Variants in CNTN5 observed in about 807,000 individuals in gnomAD.
The protein encoded by CNTN5 is contactin-5.
Under a neutral mutation model 129.1 loss-of-function variants are expected in CNTN5, and 77 were observed. That is an observed-to-expected ratio of 0.60 (90% CI 0.50 to 0.72). The LOEUF is 0.72. CNTN5 is among the 30% of genes least tolerant of loss of function. The pLI, the probability that CNTN5 is intolerant of heterozygous loss-of-function variation, is 0.00. For synonymous variants in CNTN5, 509 were observed against 465.6 expected (o/e 1.09, Z -1.20); for missense variants, 1,478 against 1,328.8 (o/e 1.11, Z -1.75).
At chr11:99,658,185 A>G (rs1189254747) in intron 3 of CNTN5, among the ~76,000 whole-genome samples, 1 of 152,168 alleles carries the variant, frequency 6.6e-6, no homozygotes. Context: ...GCAACAAGTA[A>G]TCTGAAAAGC....
At chr11:99,060,491 C>T (rs1864829126) in intron 1 of CNTN5, among the ~76,000 whole-genome samples, 1 of 151,980 alleles carries the variant, frequency 6.6e-6, no homozygotes, top group Non-Finnish European at 1.5e-5. Context: ...GTCATATTCT[C>T]ATTAATAATT....
chr11:99,333,814 G>T (rs1866102374), intron 2 of CNTN5, among the ~76,000 whole-genome samples: 1 of 151,940 alleles, frequency 6.6e-6, no homozygotes, highest in South Asian at 2.1e-4. Flanking sequence ...ACTCTCTCTA[G>T]TGTCTTCAAA....
intron 6 of CNTN5, among the ~76,000 whole-genome samples, chr11:99,887,161 T>G (rs1591366686): frequency 6.6e-6 from 1 of 152,340 alleles, no homozygotes; most frequent in East Asian, 1.9e-4. Flanking sequence ...TCATGTGAGT[T>G]GGACATGCAT....
intron 1 of CNTN5, among the ~76,000 whole-genome samples, chr11:99,065,860 C>T (rs1227676977): frequency 2.6e-5 from 4 of 151,830 alleles, no homozygotes; most frequent in Non-Finnish European, 4.4e-5. Flanking sequence ...TTAAAACATA[C>T]GTGTTTGGCA....
At chr11:99,092,346 A>G (rs1380964173) in intron 1 of CNTN5, among the ~76,000 whole-genome samples, 1 of 152,046 alleles carries the variant, frequency 6.6e-6, no homozygotes, top group Non-Finnish European at 1.5e-5. Context: ...GTACTTGGGT[A>G]TTCTGTGTAT....
At chr11:100,262,765 A>G (rs1033583519) in intron 17 of CNTN5, among the ~76,000 whole-genome samples, 2 of 152,128 alleles carry the variant, frequency 1.3e-5, no homozygotes, top group African/African-American at 4.8e-5. Context: ...CAGGGAGGGG[A>G]GCATTACACA....
chr11:99,374,635 G>A (rs1360269464), intron 2 of CNTN5, among the ~76,000 whole-genome samples: 1 of 152,126 alleles, frequency 6.6e-6, no homozygotes, highest in East Asian at 1.9e-4. Context: ...AGCGAGTCCA[G>A]ATCGCGTCAC....
chr11:99,932,407 G>A (rs888085379), intron 7 of CNTN5, among the ~76,000 whole-genome samples: 1 of 152,026 alleles, frequency 6.6e-6, no homozygotes, highest in African/African-American at 2.4e-5. Flanking sequence ...TGGCCAGGGT[G>A]GTCTTGAACT....
chr11:99,884,289 A>G (rs1948842572), intron 6 of CNTN5, among the ~76,000 whole-genome samples: 1 of 152,214 alleles, frequency 6.6e-6, no homozygotes, highest in African/African-American at 2.4e-5. Flanking sequence ...CCTGAAAACT[A>G]AAATAATATA....
chr11:99,155,960 C>A (rs1306186613), intron 1 of CNTN5, among the ~76,000 whole-genome samples: 2 of 151,998 alleles, frequency 1.3e-5, no homozygotes, highest in Non-Finnish European at 2.9e-5. Flanking sequence ...ATTAATAATA[C>A]AAGCGAGGAT....
chr11:99,471,756 T>C (rs182575096), intron 2 of CNTN5, among the ~76,000 whole-genome samples: 16 of 152,198 alleles, frequency 1.1e-4, no homozygotes, highest in African/African-American at 3.4e-4. Context: ...TGTTCTTCAA[T>C]AGCATTTTGT....
chr11:100,099,479 G>A (rs990840391), intron 13 of CNTN5, among the ~76,000 whole-genome samples: 2 of 151,944 alleles, frequency 1.3e-5, no homozygotes, highest in African/African-American at 4.8e-5. Flanking sequence ...TAATTAGTTT[G>A]TCCATTGGTT....
At chr11:99,456,505 A>G (rs563941379) in intron 2 of CNTN5, among the ~76,000 whole-genome samples, 4 of 152,278 alleles carry the variant, frequency 2.6e-5, no homozygotes, top group South Asian at 4.1e-4. Context: ...ATCTAAATCA[A>G]TCTCCAGGAC....
chr11:99,076,967 T>C (rs1046058577), intron 1 of CNTN5, among the ~76,000 whole-genome samples: 1 of 152,234 alleles, frequency 6.6e-6, no homozygotes, highest in African/African-American at 2.4e-5. Flanking sequence ...CCAATCATAC[T>C]GTTTTTTACA....
intron 7 of CNTN5, among the ~76,000 whole-genome samples, chr11:99,928,519 AG>A (rs1364098848): frequency 6.6e-6 from 1 of 152,204 alleles, no homozygotes; most frequent in Non-Finnish European, 1.5e-5. Flanking sequence ...GTGTACCTCC[AG>A]GCTCAACACC....
intron 13 of CNTN5, among the ~76,000 whole-genome samples, chr11:100,189,780 T>A (rs1948418135): frequency 6.6e-6 from 1 of 152,166 alleles, no homozygotes; most frequent in Non-Finnish European, 1.5e-5. Flanking sequence ...CATTGTGTTT[T>A]TCAAATGTTT....
chr11:100,086,685 T>A (rs1944570829), intron 13 of CNTN5, among the ~76,000 whole-genome samples: 1 of 151,506 alleles, frequency 6.6e-6, no homozygotes, highest in Non-Finnish European at 1.5e-5. Context: ...AGAGCTTTGT[T>A]TTAAGCAAAA....
intron 9 of CNTN5, among the ~76,000 whole-genome samples, chr11:100,031,200 T>C (rs183032147): frequency 5.7e-4 from 87 of 152,330 alleles, no homozygotes; most frequent in African/African-American, 2.0e-3. Context: ...TGAACTTCTA[T>C]ATCACACGAA....
intron 3 of CNTN5, among the ~76,000 whole-genome samples, chr11:99,785,875 A>G (rs1422452102): frequency 6.6e-6 from 1 of 152,162 alleles, no homozygotes; most frequent in East Asian, 1.9e-4. Flanking sequence ...AGAGCTATTT[A>G]TGACAAACTC....
Sources: gnomAD v4.1 joint callset for allele counts (sites outside exome capture counted in the v4.1 genomes callset) on GRCh38, gnomAD v4.1.1 for gene constraint, MANE v1.5 for transcripts, NCBI Gene and HGNC (gene_info 2026-07-23, HGNC 2026-07-21) for gene names.